Variants in RAE1 observed in about 807,000 individuals in gnomAD.
RAE1 encodes mRNA export factor RAE1.
Under a neutral mutation model 52.7 loss-of-function variants are expected in RAE1, and 13 were observed. The ratio of observed to expected loss-of-function variants is 0.25; its 90% CI spans 0.16 to 0.39. The LOEUF (loss-of-function observed/expected upper bound fraction) is 0.39, where lower values mean the gene tolerates loss of function less well. Among genes scored for constraint, RAE1 ranks in the 10% least tolerant of loss-of-function variants. The pLI, the probability that RAE1 is intolerant of heterozygous loss-of-function variation, is 1.00. For synonymous variants in RAE1, 164 were observed against 153.1 expected (o/e 1.07, Z -0.52); for missense variants, 262 against 459.8 (o/e 0.57, Z 3.93).
In RAE1 at chr20:57,369,612, A is replaced by G. The variant is rs186442679; in HGVS notation, c.642+800A>G. Among the ~76,000 whole-genome samples the G allele has an allele frequency of 2.7e-3, 418 of 152,358 alleles. 2 individuals are homozygous for G. The highest frequency in any genetic ancestry group is 9.6e-3 in the African/African-American group (399 of 41,582). On this transcript the variant is annotated intron_variant, in intron 8 of 11. Coordinates refer to ENST00000395841, the MANE Select transcript of RAE1 (RefSeq NM_003610.4). ...AAAATATTTTGGTTTCCTTGAGAAT[A>G]AAATTACACATCTGGATGGGTTGGT...
At position 57,359,036 on chromosome 20, in the gene RAE1, C is replaced by T. The variant is rs534658632; in HGVS notation, c.288+2498C>T. On this transcript the variant is annotated intron_variant, in intron 4 of 11. Transcript: ENST00000395841. ...AAGAGACAGCTGAACCTTCGTGTGG[C>T]CATTCATTCAAGTCCCTATTTAGAG... 2.4e-4 allele frequency: 370 copies of T among 1,514,112 alleles called. 1 individual carries two copies. Among genetic ancestry groups the T allele is most frequent in the South Asian group, 9.7e-4 (77 of 79,244 alleles). The allele number at this position is 1,514,112 out of a possible 1,614,324, so 93.8% of individuals were successfully genotyped here.
At chr20:57,363,229 C>G (rs1036577008) in intron 4 of RAE1, among the ~76,000 whole-genome samples, 1 of 152,104 alleles carries the variant, frequency 6.6e-6, no homozygotes, top group African/African-American at 2.4e-5. Flanking sequence ...AATTTGTTTT[C>G]TTGTTTAGAA....
Position 57,354,795 on chromosome 20 carries a change from T to C in RAE1, c.174T>C (p.Ile58=). 6.2e-7 allele frequency: 1 copy of C among 1,603,644 alleles called. No homozygotes were observed. The change falls in exon 3 of 12, where the codon ATT becomes ATC. Residue 58 remains isoleucine, a synonymous_variant. Coordinates refer to ENST00000395841, the MANE Select transcript of RAE1 (RefSeq NM_003610.4). ...CAACCTTGCCGGGGAACTTTCTTAT[T>C]GCAGGATCATGGGCTAATGATGTAA... ...SPPTLPGNFL[I]AGSWANDVRC...
chr20:57,375,973 C>A (rs1483320824), intron 11 of RAE1, among the ~76,000 whole-genome samples: 1 of 152,258 alleles, frequency 6.6e-6, no homozygotes, highest in Non-Finnish European at 1.5e-5. Context: ...GGGGCCACCA[C>A]AGGGCTCTAA....
intron 11 of RAE1, among the ~76,000 whole-genome samples, chr20:57,375,645 G>A (rs2067103247): frequency 6.6e-6 from 1 of 152,108 alleles, no homozygotes; most frequent in Non-Finnish European, 1.5e-5. Flanking sequence ...GTATATTAAG[G>A]CTATCGAGAG....
intron 2 of RAE1, 119 bp from the exon 3 acceptor site, chr20:57,354,593 A>G: frequency 1.6e-6 from 1 of 630,728 alleles, no homozygotes; most frequent in East Asian, 3.2e-5. Context: ...GGAAAGGTCT[A>G]ATTCAGTTAG....
chr20:57,373,888 T>G (rs1289246522), intron 10 of RAE1, 150 bp downstream of exon 10: 2 of 875,060 alleles, frequency 2.3e-6, no homozygotes, highest in Non-Finnish European at 3.6e-6. Flanking sequence ...GGCTTCAGGT[T>G]TCTGTGGATT....
chr20:57,362,325 C>T (rs935103521), intron 4 of RAE1, among the ~76,000 whole-genome samples: 3 of 152,130 alleles, frequency 2.0e-5, no homozygotes, highest in Non-Finnish European at 4.4e-5. Context: ...AAAATGTCTT[C>T]CTGACATACC....
At chr20:57,366,390 G>T (rs762502155) in intron 5 of RAE1, among the ~76,000 whole-genome samples, 3 of 152,170 alleles carry the variant, frequency 2.0e-5, no homozygotes, top group Non-Finnish European at 4.4e-5. Context: ...GCCGGCATCT[G>T]CTCGGCTTCT....
At chr20:57,366,691 G>A in intron 5 of RAE1, 116 bp from the exon 6 acceptor site, 2 of 1,026,130 alleles carry the variant, frequency 1.9e-6, no homozygotes, top group Non-Finnish European at 1.5e-6. Context: ...TTTGGTTTTT[G>A]TTTGGTATGG....
chr20:57,355,534 C>T (rs1568778124), intron 3 of RAE1, among the ~76,000 whole-genome samples: 1 of 152,172 alleles, frequency 6.6e-6, no homozygotes, highest in African/African-American at 2.4e-5. Flanking sequence ...TCAGCTTATA[C>T]CCTTTATCTC....
chr20:57,361,245 T>C (rs1026411399), intron 4 of RAE1, among the ~76,000 whole-genome samples: 1 of 152,190 alleles, frequency 6.6e-6, no homozygotes, highest in African/African-American at 2.4e-5. Context: ...GGGGCAGCAC[T>C]TTCAGAGGGT....
intron 5 of RAE1, among the ~76,000 whole-genome samples, chr20:57,366,565 C>G (rs2066956746): frequency 6.6e-6 from 1 of 152,220 alleles, no homozygotes; most frequent in Admixed American, 6.5e-5. Flanking sequence ...CCCCATGACC[C>G]AGACATCTCC....
At chr20:57,361,111 AAAG>A (rs947419917) in intron 4 of RAE1, among the ~76,000 whole-genome samples, 1 of 152,068 alleles carries the variant, frequency 6.6e-6, no homozygotes, top group South Asian at 2.1e-4. Context: ...AGAAAGAAAG[AAAG>A]AAATAGAAAT....
chr20:57,363,331 A>C (rs892265401), intron 4 of RAE1, among the ~76,000 whole-genome samples: 2 of 152,132 alleles, frequency 1.3e-5, no homozygotes, highest in African/African-American at 4.8e-5. Flanking sequence ...TGGGCAACGT[A>C]AGGAGACCCG....
At chr20:57,354,504 TAGC>T (rs2066756257) in intron 2 of RAE1, among the ~76,000 whole-genome samples, 2 of 152,248 alleles carry the variant, frequency 1.3e-5, no homozygotes, top group Non-Finnish European at 2.9e-5. Flanking sequence ...GGCATTTCAT[TAGC>T]AGCTGCTACT....
chr20:57,354,991 C>G (rs2066764167), intron 3 of RAE1, among the ~76,000 whole-genome samples, 175 bp downstream of exon 3: 1 of 152,074 alleles, frequency 6.6e-6, no homozygotes, highest in African/African-American at 2.4e-5. Context: ...ATTCTTACAC[C>G]CGTTTTTGTT....
At chr20:57,376,512 C>T (rs2067117920) in intron 11 of RAE1, among the ~76,000 whole-genome samples, 1 of 152,192 alleles carries the variant, frequency 6.6e-6, no homozygotes, top group Non-Finnish European at 1.5e-5. Context: ...CAGCTTCTTT[C>T]CCTCAGCATA....
intron 5 of RAE1, 114 bp downstream of exon 5, chr20:57,365,556 T>A: frequency 4.3e-6 from 3 of 697,232 alleles, no homozygotes; most frequent in Non-Finnish European, 6.8e-6. Context: ...TTAGACTCTG[T>A]CAAATCAATT....
Sources: gnomAD v4.1 joint callset for allele counts (sites outside exome capture counted in the v4.1 genomes callset) on GRCh38, gnomAD v4.1.1 for gene constraint, MANE v1.5 for transcripts, NCBI Gene and HGNC (gene_info 2026-07-23, HGNC 2026-07-21) for gene names.